Variants in GRID1 observed in about 807,000 individuals in gnomAD.
The protein encoded by GRID1 is glutamate receptor ionotropic, delta-1.
GRID1 carries 28 observed loss-of-function variants against 98.0 expected under a neutral mutation model. The ratio of observed to expected loss-of-function variants is 0.29; its 90% CI spans 0.21 to 0.39. GRID1 has a LOEUF of 0.39. Ranked by LOEUF, GRID1 falls within the 10% of genes least tolerant of loss-of-function variation. The pLI, the probability that GRID1 is intolerant of heterozygous loss-of-function variation, is 1.00. For missense variants in GRID1, 1,111 were observed against 1,340.5 expected (o/e 0.83, Z 2.67); for synonymous variants, 553 against 538.5 (o/e 1.03, Z -0.37).
intron 5 of GRID1, among the ~76,000 whole-genome samples, chr10:85,883,203 GGT>G (rs1456431026): frequency 2.0e-5 from 3 of 151,752 alleles, no homozygotes; most frequent in Non-Finnish European, 4.4e-5. Context: ...TATCCACTTT[GGT>G]GTTCAACCTC....
rs75302267 is a variant in GRID1 at position 85,865,606 on chromosome 10, T to A, written c.951+3404A>T. 4.6e-3 allele frequency among the ~76,000 whole-genome samples: 697 copies of A among 152,154 alleles called. 5 individuals carry two copies. Among genetic ancestry groups the A allele is most frequent in the African/African-American group, 0.016 (658 of 41,488 alleles). ...AAGACAAAGTTAATAATCCATGACA[T>A]AATTTTTTTTTTCCTTGAGTTGTTC... On this transcript the variant is annotated intron_variant, in intron 6 of 15. Transcript: ENST00000327946.
At chr10:85,943,699 T>G (rs1842021829) in intron 4 of GRID1, among the ~76,000 whole-genome samples, 1 of 152,064 alleles carries the variant, frequency 6.6e-6, no homozygotes, top group Non-Finnish European at 1.5e-5. Context: ...GCCAAGCAAG[T>G]GGTTAATATC....
In GRID1 at chr10:85,613,559, C is replaced by T; in HGVS notation, c.2449G>A (p.Ala817Thr). 6.2e-7 allele frequency: 1 copy of T among 1,614,198 alleles called. No individual in the cohort carries two copies. The highest frequency in any genetic ancestry group is 8.5e-7 in the Non-Finnish European group (1 of 1,180,042). Residue 817 changes from alanine (A) to threonine (T), a missense_variant, in exon 15 of 16, where the codon GCC becomes ACC. This residue lies in a region of GRID1 where 762 missense variants were observed against 869.1 expected (regional missense o/e 0.88). Coordinates refer to ENST00000327946, the MANE Select transcript of GRID1 (RefSeq NM_017551.3). ...HMGRCDLTSH[A>T]SAQADGKSLK... Reference sequence around the variant, plus strand: ...GATTTGCCGTCGGCCTGGGCGCTGGCATGGCTGGTGAGGTCACAGCGGCCC... The same window carrying T: ...GATTTGCCGTCGGCCTGGGCGCTGGTATGGCTGGTGAGGTCACAGCGGCCC...
At chr10:85,759,704 G>T (rs543405704) in intron 8 of GRID1, among the ~76,000 whole-genome samples, 1 of 152,186 alleles carries the variant, frequency 6.6e-6, no homozygotes, top group African/African-American at 2.4e-5. Flanking sequence ...ATACTGATCT[G>T]CATAATTATG....
intron 3 of GRID1, among the ~76,000 whole-genome samples, chr10:86,175,184 G>C (rs1041522469): frequency 1.3e-5 from 2 of 152,148 alleles, no homozygotes; most frequent in Non-Finnish European, 2.9e-5. Context: ...TTTAGATATA[G>C]ATACAGCAAT....
At chr10:86,128,984 GA>G (rs1214414289) in intron 4 of GRID1, among the ~76,000 whole-genome samples, 1 of 152,214 alleles carries the variant, frequency 6.6e-6, no homozygotes, top group African/African-American at 2.4e-5. Flanking sequence ...CCAGAGCTCA[GA>G]AAGCCACATG....
At chr10:85,754,750 G>T (rs181709287) in intron 8 of GRID1, among the ~76,000 whole-genome samples, 4 of 152,134 alleles carry the variant, frequency 2.6e-5, no homozygotes, top group Non-Finnish European at 5.9e-5. Flanking sequence ...TGGGTTTGGG[G>T]GTCAAACTTT....
chr10:85,975,480 C>T (rs1842460715), intron 4 of GRID1, among the ~76,000 whole-genome samples: 1 of 152,188 alleles, frequency 6.6e-6, no homozygotes, highest in Non-Finnish European at 1.5e-5. Flanking sequence ...GGATCCTCTA[C>T]CATACGGGAA....
chr10:86,285,668 C>T (rs937427602), intron 2 of GRID1, among the ~76,000 whole-genome samples: 2 of 152,120 alleles, frequency 1.3e-5, no homozygotes, highest in Non-Finnish European at 2.9e-5. Context: ...GAGATGAGGG[C>T]GCAGCTGTAG....
chr10:86,003,474 C>T (rs1250733529), intron 4 of GRID1, among the ~76,000 whole-genome samples: 1 of 152,244 alleles, frequency 6.6e-6, no homozygotes, highest in African/African-American at 2.4e-5. Context: ...AGTGACTAAT[C>T]AGGGAAGCCC....
At chr10:85,806,527 G>T (rs948110695) in intron 8 of GRID1, among the ~76,000 whole-genome samples, 1 of 151,722 alleles carries the variant, frequency 6.6e-6, no homozygotes, top group Non-Finnish European at 1.5e-5. Context: ...TCAGAAGCTG[G>T]ATTTATGATA....
At chr10:85,996,115 C>G (rs1842736308) in intron 4 of GRID1, among the ~76,000 whole-genome samples, 1 of 152,190 alleles carries the variant, frequency 6.6e-6, no homozygotes, top group African/African-American at 2.4e-5. Flanking sequence ...ACAAAAATAT[C>G]AACACCTTTC....
chr10:85,860,286 T>C (rs1430923867), intron 6 of GRID1, among the ~76,000 whole-genome samples: 1 of 152,214 alleles, frequency 6.6e-6, no homozygotes. Flanking sequence ...GGGCTCTGGG[T>C]GACCTAGGAA....
intron 4 of GRID1, among the ~76,000 whole-genome samples, chr10:85,972,956 T>C (rs1842426504): frequency 6.6e-6 from 1 of 152,222 alleles, no homozygotes; most frequent in Admixed American, 6.5e-5. Context: ...ATTGCATGGA[T>C]TTCATTTTAT....
rs190619135 is a variant in GRID1, at chr10:86,275,123, G to A, written c.236-68475C>T. Among the ~76,000 whole-genome samples, 19 of 152,214 alleles carry A rather than the reference G, an allele frequency of 1.2e-4. No individual in the cohort carries two copies. In the East Asian group the frequency reaches 3.7e-3, roughly 29 times the overall value. ...CTTATTTGTTTGTTGTTGTTGTTTT[G>A]TTTTTAGCTCATGGCATTCAAGGAA... On this transcript the variant is annotated intron_variant, in intron 2 of 15. Coordinates refer to ENST00000327946, the MANE Select transcript of GRID1 (RefSeq NM_017551.3).
chr10:85,789,719 C>T (rs1050990352), intron 8 of GRID1, among the ~76,000 whole-genome samples: 1 of 152,158 alleles, frequency 6.6e-6, no homozygotes, highest in Admixed American at 6.5e-5. Flanking sequence ...ATGGATGGGA[C>T]AATCCCCCAG....
At chr10:85,864,334 G>A (rs1463860025) in intron 6 of GRID1, among the ~76,000 whole-genome samples, 1 of 152,212 alleles carries the variant, frequency 6.6e-6, no homozygotes, top group African/African-American at 2.4e-5. Flanking sequence ...GTAAGAGAGG[G>A]CACAGTGGAT....
At chr10:85,775,836 G>T (rs1250710657) in intron 8 of GRID1, among the ~76,000 whole-genome samples, 1 of 152,166 alleles carries the variant, frequency 6.6e-6, no homozygotes, top group Non-Finnish European at 1.5e-5. Flanking sequence ...AGGCAGGGTG[G>T]AAGTGAGGAC....
intron 2 of GRID1, among the ~76,000 whole-genome samples, chr10:86,254,942 A>C (rs1846894445): frequency 6.6e-6 from 1 of 152,210 alleles, no homozygotes; most frequent in African/African-American, 2.4e-5. Context: ...AGCACAGATA[A>C]GGACCAGCCC....
Sources: allele counts gnomAD v4.1 joint callset (sites outside exome capture counted in the v4.1 genomes callset), GRCh38; gene constraint gnomAD v4.1.1; regional missense constraint gnomAD v4.1.1; transcripts MANE v1.5; gene names NCBI Gene and HGNC (gene_info 2026-07-23, HGNC 2026-07-21).